Variants in RAB11FIP4 observed in about 807,000 individuals in gnomAD.
RAB11FIP4 encodes the protein rab11 family-interacting protein 4.
A neutral mutation model predicts 74.3 loss-of-function variants in RAB11FIP4; 23 were observed. That is an observed-to-expected ratio of 0.31 (90% CI 0.22 to 0.44). The LOEUF is 0.44. RAB11FIP4 is among the 20% of genes least tolerant of loss of function. The probability of loss-of-function intolerance (pLI) is 1.00; values close to 1 mark genes in which losing one functional copy is unlikely to be tolerated. For synonymous variants in RAB11FIP4, 360 were observed against 359.9 expected, an observed-to-expected ratio of 1.00 and a Z score of 0.00; for missense variants, 630 against 863.9, an observed-to-expected ratio of 0.73 and a Z score of 3.39.
chr17:31,456,275 T>G (rs2071577835), intron 3 of RAB11FIP4, among the ~76,000 whole-genome samples: 1 of 144,138 alleles, frequency 6.9e-6, no homozygotes, highest in Non-Finnish European at 1.5e-5. Flanking sequence ...TGGAGTGCAG[T>G]GGCACAATCT....
At chr17:31,455,862 T>C (rs868152607) in intron 3 of RAB11FIP4, among the ~76,000 whole-genome samples, 1 of 152,208 alleles carries the variant, frequency 6.6e-6, no homozygotes, top group African/African-American at 2.4e-5. Context: ...CTGCAGTGAA[T>C]GTCAGCTTTG....
intron 3 of RAB11FIP4, among the ~76,000 whole-genome samples, chr17:31,458,864 C>T (rs972496173): frequency 6.6e-6 from 1 of 152,196 alleles, no homozygotes; most frequent in African/African-American, 2.4e-5. Context: ...CCCTTGATAG[C>T]AGTGTGGGGT....
chr17:31,430,501 GC>G (rs1237548753), intron 1 of RAB11FIP4, among the ~76,000 whole-genome samples: 2 of 151,396 alleles, frequency 1.3e-5, no homozygotes, highest in African/African-American at 4.9e-5. Context: ...AGGACTACAG[GC>G]GCCCGCCACG....
intron 2 of RAB11FIP4, among the ~76,000 whole-genome samples, chr17:31,433,267 G>A (rs1160704729): frequency 6.6e-6 from 1 of 152,230 alleles, no homozygotes; most frequent in Non-Finnish European, 1.5e-5. Flanking sequence ...CTGCTTATCT[G>A]TGAAGGAAGC....
intron 1 of RAB11FIP4, among the ~76,000 whole-genome samples, chr17:31,419,030 C>G (rs1306590283): frequency 6.6e-6 from 1 of 152,142 alleles, no homozygotes; most frequent in East Asian, 1.9e-4. Context: ...TGGAATCATA[C>G]AGTTTGTAAC....
In RAB11FIP4 at chr17:31,445,568, ATATATATATATTTTTTTTTTT is replaced by A. The variant is rs1340938899; in HGVS notation, c.336+11448_336+11468del. 2.6e-3 allele frequency among the ~76,000 whole-genome samples: 33 copies of A among 12,678 alleles called. No homozygotes were observed. In the East Asian group the frequency reaches 0.03, roughly 12 times the overall value. 8.3% of individuals were successfully genotyped at this position (12,678 alleles called of 152,430 possible). A position where few individuals can be genotyped will look rare whatever the true frequency, so the allele number is the denominator to read the frequency against. On this transcript the variant is annotated intron_variant, in intron 3 of 14. Coordinates refer to ENST00000621161, the MANE Select transcript of RAB11FIP4 (RefSeq NM_032932.6). ...TATATATATATATATATATATATAT[ATATATATATATTTTTTTTTTT>A]TTTTTTTTTTTTTTGACACGGAGTC...
intron 3 of RAB11FIP4, among the ~76,000 whole-genome samples, chr17:31,505,605 A>AATTATATAATAC (rs1555548831): frequency 3.9e-5 from 2 of 51,784 alleles, no homozygotes; most frequent in African/African-American, 1.6e-4. Context: ...ATTATATAAT[A>AATTATATAATAC]ATAATTATAT....
chr17:31,468,865 T>C (rs1465599365), intron 3 of RAB11FIP4, among the ~76,000 whole-genome samples: 1 of 151,854 alleles, frequency 6.6e-6, no homozygotes, highest in Non-Finnish European at 1.5e-5. Flanking sequence ...TGTGCAAAGT[T>C]TACAAACACT....
At chr17:31,414,484 A>G (rs1027885685) in intron 1 of RAB11FIP4, among the ~76,000 whole-genome samples, 1 of 152,196 alleles carries the variant, frequency 6.6e-6, no homozygotes, top group African/African-American at 2.4e-5. Flanking sequence ...GCTCCTATTC[A>G]GACCCCAAAC....
rs566166150 is a variant in RAB11FIP4, at chr17:31,535,527, A to T, written c.*3795A>T. ...GGCCAGAGGTAGAGGAAACTGGTCA[A>T]AGTGGCTGTTGGGCTTGTCAAGCCC... On this transcript the variant is annotated 3_prime_UTR_variant, in exon 15 of 15. Transcript: ENST00000621161. 5 of 152,538 alleles carry T rather than the reference A, an allele frequency of 3.3e-5. No individual in the cohort carries two copies. The highest frequency in any genetic ancestry group is 3.3e-4 in the Admixed American group (5 of 15,308). The allele number at this position is 152,538 out of a possible 1,614,324, so 9.4% of individuals were successfully genotyped here.
intron 3 of RAB11FIP4, among the ~76,000 whole-genome samples, chr17:31,484,071 C>CTT (rs530656307): frequency 0.059 from 6,879 of 115,766 alleles, 304 homozygotes; most frequent in African/African-American, 0.077. Context: ...AAGATCTTAT[C>CTT]TTTTTTTTTT....
rs190581952 is a variant in RAB11FIP4 at position 31,432,196 on chromosome 17, G to C, written c.247+296G>C. Among the ~76,000 whole-genome samples the C allele has an allele frequency of 2.6e-5, 4 of 152,030 alleles. No homozygotes were observed. In the East Asian group the frequency reaches 7.7e-4, roughly 29 times the overall value. On this transcript the variant is annotated intron_variant, in intron 2 of 14. Transcript: ENST00000621161. ...TTTCTGTCCTCTTCCTCTCTCTCCCGCTCTGGGGTGACCAAACCCAGTGAG... is the reference window on the plus strand; with the variant it reads ...TTTCTGTCCTCTTCCTCTCTCTCCCCCTCTGGGGTGACCAAACCCAGTGAG...
At chr17:31,466,561 G>C (rs1195184304) in intron 3 of RAB11FIP4, among the ~76,000 whole-genome samples, 3 of 152,220 alleles carry the variant, frequency 2.0e-5, no homozygotes, top group Non-Finnish European at 2.9e-5. Context: ...CAGACTCTGA[G>C]TAGCAAAGTT....
chr17:31,486,485 C>G (rs1184795320), intron 3 of RAB11FIP4, among the ~76,000 whole-genome samples: 1 of 152,142 alleles, frequency 6.6e-6, no homozygotes, highest in Non-Finnish European at 1.5e-5. Flanking sequence ...CTGTGTTGTC[C>G]AAGCTGGCCT....
At chr17:31,472,158 G>A (rs1320849962) in intron 3 of RAB11FIP4, among the ~76,000 whole-genome samples, 4 of 88,430 alleles carry the variant, frequency 4.5e-5, no homozygotes, top group South Asian at 5.0e-4. Context: ...GCAAAAGTCT[G>A]TCTCAAAAAA....
chr17:31,446,721 C>T (rs944607204), intron 3 of RAB11FIP4, among the ~76,000 whole-genome samples: 25 of 152,210 alleles, frequency 1.6e-4, no homozygotes, highest in Middle Eastern at 3.4e-3. Context: ...ATACACTGGA[C>T]GGTGCTTCTC....
intron 3 of RAB11FIP4, among the ~76,000 whole-genome samples, chr17:31,445,246 A>T (rs1470952536): frequency 6.6e-6 from 1 of 152,066 alleles, no homozygotes; most frequent in East Asian, 1.9e-4. Flanking sequence ...AGAGCAGAAC[A>T]ATGAATCCAC....
intron 3 of RAB11FIP4, among the ~76,000 whole-genome samples, chr17:31,479,994 T>C (rs1236497890): frequency 6.6e-6 from 1 of 152,194 alleles, no homozygotes; most frequent in Non-Finnish European, 1.5e-5. Context: ...AGTCTTTGAC[T>C]TTTTCTCTTC....
In RAB11FIP4 at chr17:31,419,896, G is replaced by T. The variant is rs550001387; in HGVS notation, c.160-11917G>T. 3.0e-4 allele frequency among the ~76,000 whole-genome samples: 46 copies of T among 152,226 alleles called. 1 individual carries two copies. The highest frequency in any genetic ancestry group is 1.0e-3 in the African/African-American group (43 of 41,530). The stretch of plus-strand genomic sequence containing the variant: ...GCTTTTGTTTGGTTTGGGTAACAGG[G>T]TATTATTGCTGGCCCCATAAAACGA... On this transcript the variant is annotated intron_variant, in intron 1 of 14. Coordinates refer to ENST00000621161, the MANE Select transcript of RAB11FIP4 (RefSeq NM_032932.6).
Sources: gnomAD v4.1 joint callset for allele counts (sites outside exome capture counted in the v4.1 genomes callset) on GRCh38, gnomAD v4.1.1 for gene constraint, MANE v1.5 for transcripts, NCBI Gene and HGNC (gene_info 2026-07-23, HGNC 2026-07-21) for gene names.